LRCH2: variants seen among roughly 807,000 people sequenced by gnomAD.
The protein encoded by LRCH2 is leucine-rich repeat and calponin homology domain-containing protein 2.
A neutral mutation model predicts 68.9 loss-of-function variants in LRCH2; 38 were observed. The ratio of observed to expected loss-of-function variants is 0.55; its 90% CI spans 0.43 to 0.72. The LOEUF (loss-of-function observed/expected upper bound fraction) is 0.72, where lower values mean the gene tolerates loss of function less well. LRCH2 is among the 30% of genes least tolerant of loss of function. The probability of loss-of-function intolerance (pLI) is 0.00; values close to 1 mark genes in which losing one functional copy is unlikely to be tolerated. For missense variants in LRCH2, 528 were observed against 572.9 expected (o/e 0.92, Z 0.80); for synonymous variants, 191 against 208.1 (o/e 0.92, Z 0.71).
intron 1 of LRCH2, chrX:115,192,080 C>A: frequency 8.6e-7 from 1 of 1,164,955 alleles, no homozygotes; most frequent in South Asian, 1.9e-5. Flanking sequence ...TCGCCCGATG[C>A]CCACAGCGGG....
rs926541632 is a variant in LRCH2, at chrX:115,146,678, G to C, written c.1695+3149C>G. 4.6e-5 allele frequency among the ~76,000 whole-genome samples: 5 copies of C among 109,748 alleles called. 1 individual carries two copies. Among genetic ancestry groups the C allele is most frequent in the Admixed American group, 3.9e-4 (4 of 10,147 alleles). On this transcript the variant is annotated intron_variant, in intron 14 of 20. Transcript: ENST00000317135. ...TAAGAACACTAAATTTTATATACTA[G>C]AATAATAATCTATACGATAGCGGCC...
At chrX:115,131,786 A>G (rs782150558) in intron 14 of LRCH2, among the ~76,000 whole-genome samples, 6 of 111,645 alleles carry the variant, frequency 5.4e-5, no homozygotes, top group South Asian at 3.8e-4. Context: ...TGACTTTTTA[A>G]TGATCGCCAT....
chrX:115,142,511 TAAG>T (rs781789469), intron 14 of LRCH2, among the ~76,000 whole-genome samples: 10 of 111,494 alleles, frequency 9.0e-5, no homozygotes, highest in African/African-American at 1.3e-4. Context: ...CAGAAATCAA[TAAG>T]AAGAAGAATT....
chrX:115,132,982 G>A (rs1204580081), intron 14 of LRCH2, among the ~76,000 whole-genome samples: 2 of 110,914 alleles, frequency 1.8e-5, no homozygotes, highest in Admixed American at 9.7e-5. Context: ...CAACAAACCC[G>A]ATATGGCTGG....
chrX:115,145,759 A>C (rs936518101), intron 14 of LRCH2, among the ~76,000 whole-genome samples: 3 of 111,859 alleles, frequency 2.7e-5, no homozygotes, highest in Non-Finnish European at 5.6e-5. Flanking sequence ...ACCCCAGTTA[A>C]AGTGGCTTAT....
intron 1 of LRCH2, chrX:115,190,751 G>A (rs2072795374): frequency 8.6e-7 from 1 of 1,164,698 alleles, no homozygotes; most frequent in Admixed American, 2.6e-5. Flanking sequence ...CGCAGCGGGG[G>A]CCGCTCCACT....
At position 115,122,532 on chromosome X, in the gene LRCH2, A is replaced by G. The variant is rs1556526333; in HGVS notation, c.2173T>C (p.Ser725Pro). 8.3e-7 allele frequency: 1 copy of G among 1,204,320 alleles called. No individual in the cohort carries two copies. The stretch of plus-strand genomic sequence containing the variant: ...GTTAGATAAATAACAATTACCTGTG[A>G]GACACCCAACTTTTTACAAGCATCA... ...FLDACKKLGV[S>P]QERLCLPHHI... The change falls in exon 20 of 21, where the codon TCA becomes CCA. Residue 725 changes from serine to proline, a missense_variant. By Grantham distance (74) the Ser-to-Pro change is moderately conservative. Transcript: ENST00000317135.
At position 115,134,627 on chromosome X, in the gene LRCH2, C is replaced by T. The variant is rs991799371; in HGVS notation, c.1696-4428G>A. Among the ~76,000 whole-genome samples the T allele has an allele frequency of 6.2e-5, 7 of 112,002 alleles. No individual in the cohort carries two copies. In the Admixed American group the frequency reaches 6.7e-4, roughly 11 times the overall value. On this transcript the variant is annotated intron_variant, in intron 14 of 20. Coordinates refer to ENST00000317135, the MANE Select transcript of LRCH2 (RefSeq NM_020871.4). The stretch of plus-strand genomic sequence containing the variant: ...TGGATGACAGCACATCTGTTTACAG[C>T]ATGCTTTACTGAATATGTTAAGCCC...
Position 115,111,757 on chromosome X carries a change from A to C in LRCH2, c.*1459T>G, listed in dbSNP as rs1315306890. On this transcript the variant is annotated 3_prime_UTR_variant, in exon 21 of 21. Transcript: ENST00000317135. The stretch of plus-strand genomic sequence containing the variant: ...ATGGCTTCATGCCAACTGATCAAAA[A>C]AAGTACAGTTGTTCCTATACCATTT... 3 of 109,762 alleles carry C rather than the reference A, an allele frequency of 2.7e-5. No individual in the cohort carries two copies. Among genetic ancestry groups the C allele is most frequent in the Non-Finnish European group, 5.7e-5 (3 of 52,479 alleles). The allele number at this position is 109,762 out of a possible 1,213,427, so 9.0% of individuals were successfully genotyped here. A position where few individuals can be genotyped will look rare whatever the true frequency, so the allele number is the denominator to read the frequency against.
chrX:115,158,564 T>C (rs1464583130), intron 11 of LRCH2, among the ~76,000 whole-genome samples: 10 of 112,278 alleles, frequency 8.9e-5, no homozygotes, highest in African/African-American at 3.2e-4. Context: ...TCCATGATCC[T>C]TAATTATACT....
chrX:115,190,113 G>C (rs1191235648), intron 1 of LRCH2: 1 of 1,155,517 alleles, frequency 8.7e-7, no homozygotes, highest in Non-Finnish European at 1.2e-6. Context: ...TGCCTGGGAA[G>C]GCCCCGGCCG....
At position 115,188,409 on chromosome X, in the gene LRCH2, T is replaced by A. The variant is rs1237945951; in HGVS notation, c.350-39A>T. On this transcript the variant is annotated intron_variant, in intron 1 of 20. Coordinates refer to ENST00000317135, the MANE Select transcript of LRCH2 (RefSeq NM_020871.4). ...AGTGAGTATTAAACATATACCTATA[T>A]CTATGGTAATTAAAAGAACTATTTT... The A allele has an allele frequency of 3.2e-6, 3 of 942,084 alleles. No homozygotes were observed. The African/African-American group carries it at 6.0e-5, about 19-fold the overall frequency. The allele number at this position is 942,084 out of a possible 1,213,427, so 77.6% of individuals were successfully genotyped here.
intron 14 of LRCH2, among the ~76,000 whole-genome samples, chrX:115,144,468 G>C (rs1464306100): frequency 9.3e-5 from 10 of 107,322 alleles, no homozygotes; most frequent in Non-Finnish European, 1.5e-4. Flanking sequence ...TCAGACAAGA[G>C]AAAGAAATAA....
chrX:115,124,124 T>C (rs2806270), intron 16 of LRCH2, 122 bp from the exon 17 acceptor site: 48,025 of 361,327 alleles, frequency 0.13, 2,969 homozygotes, highest in African/African-American at 0.32. Flanking sequence ...CTATGATTAG[T>C]GAAGAGAAAA....
At chrX:115,161,928 C>CG (rs1329944799) in intron 11 of LRCH2, among the ~76,000 whole-genome samples, 26 of 74,020 alleles carry the variant, frequency 3.5e-4, no homozygotes, top group African/African-American at 1.2e-3. Flanking sequence ...ATAGGCCTGT[C>CG]GGTTTTTTTT....
intron 3 of LRCH2, among the ~76,000 whole-genome samples, chrX:115,181,498 A>C (rs2072691432): frequency 8.9e-6 from 1 of 112,579 alleles, no homozygotes; most frequent in Non-Finnish European, 1.9e-5. Context: ...AGAGAAATAA[A>C]CCCAGGCATA....
At chrX:115,229,518 A>T (rs2073140088) in intron 1 of LRCH2, among the ~76,000 whole-genome samples, 1 of 112,374 alleles carries the variant, frequency 8.9e-6, no homozygotes, top group Non-Finnish European at 1.9e-5. Context: ...TAAAGATAAC[A>T]TTTTATTTTA....
intron 5 of LRCH2, among the ~76,000 whole-genome samples, chrX:115,175,441 AG>A (rs782703158): frequency 6.6e-4 from 74 of 111,868 alleles, no homozygotes; most frequent in Non-Finnish European, 7.5e-4. Context: ...TACACCCAGA[AG>A]GAACAAACGC....
intron 11 of LRCH2, 84 bp downstream of exon 11, chrX:115,163,592 C>G: frequency 1.5e-6 from 1 of 684,982 alleles, no homozygotes; most frequent in Non-Finnish European, 2.2e-6. Context: ...TTACTCAAAA[C>G]TTCATATACT....
Sources: gnomAD v4.1 joint callset for allele counts (sites outside exome capture counted in the v4.1 genomes callset) on GRCh38, gnomAD v4.1.1 for gene constraint, MANE v1.5 for transcripts, NCBI Gene and HGNC (gene_info 2026-07-23, HGNC 2026-07-21) for gene names.